The following FAP variants were observed in gnomAD, a reference collection of about 807,000 sequenced individuals.
FAP encodes prolyl endopeptidase FAP.
In FAP, 110 loss-of-function variants were observed where a neutral mutation model predicts 126.5. That is an observed-to-expected ratio of 0.87 (90% CI 0.74 to 1.02). FAP has a LOEUF of 1.02. FAP is among the 50% of genes least tolerant of loss of function. The pLI is 0.00. For synonymous variants in FAP, 334 were observed against 297.3 expected, an observed-to-expected ratio of 1.12 and a Z score of -1.27; for missense variants, 919 against 909.2, an observed-to-expected ratio of 1.01 and a Z score of -0.14.
intron 2 of FAP, among the ~76,000 whole-genome samples, chr2:162,233,145 C>T (rs1424859954): frequency 6.6e-6 from 1 of 152,098 alleles, no homozygotes; most frequent in Non-Finnish European, 1.5e-5. Context: ...AAAATCCCCA[C>T]TTACATATCT....
At chr2:162,201,774 A>G (rs1688506584) in intron 14 of FAP, among the ~76,000 whole-genome samples, 1 of 152,164 alleles carries the variant, frequency 6.6e-6, no homozygotes, top group South Asian at 2.1e-4. Flanking sequence ...GCAAACAAAG[A>G]AGGAGGTGCA....
intron 20 of FAP, among the ~76,000 whole-genome samples, chr2:162,183,904 A>G (rs1687776745): frequency 6.6e-6 from 1 of 152,146 alleles, no homozygotes; most frequent in South Asian, 2.1e-4. Flanking sequence ...GTTAATGATA[A>G]TCATCACTTC....
intron 10 of FAP, among the ~76,000 whole-genome samples, chr2:162,214,378 A>G (rs887469276): frequency 8.5e-5 from 13 of 152,084 alleles, no homozygotes; most frequent in Non-Finnish European, 1.6e-4. Context: ...TGATCAATCT[A>G]GAGGGGAAAA....
chr2:162,243,372 G>T lies in FAP; in HGVS notation c.-45C>A. ...AGTTAGCTAATTCTGTCTTCAGAGC[G>T]TGGGTCACTGGATCTGTGAAAACCG... On this transcript the variant is annotated 5_prime_UTR_variant, in exon 1 of 26. Transcript: ENST00000188790. 1 of 1,604,428 alleles carries T rather than the reference G, an allele frequency of 6.2e-7. No homozygotes were observed. Among genetic ancestry groups the T allele is most frequent in the South Asian group, 1.1e-5 (1 of 89,396 alleles).
intron 13 of FAP, 27 bp from the exon 14 acceptor site, chr2:162,202,969 G>A (rs1169323056): frequency 6.8e-6 from 11 of 1,606,860 alleles, no homozygotes; most frequent in Non-Finnish European, 9.4e-6. Flanking sequence ...ATTATGTTGT[G>A]TGAAACTGAG....
chr2:162,209,780 A>G (rs1231017015), intron 12 of FAP, 172 bp downstream of exon 12: 9 of 577,762 alleles, frequency 1.6e-5, no homozygotes, highest in Non-Finnish European at 2.1e-5. Flanking sequence ...AAGGACATTG[A>G]AATTGTCCGG....
intron 2 of FAP, among the ~76,000 whole-genome samples, chr2:162,234,791 C>G (rs117759694): frequency 0.035 from 5,336 of 152,246 alleles, 468 homozygotes; most frequent in Admixed American, 0.21. Flanking sequence ...GCCGCTGCAC[C>G]GTAGGAGCCT....
chr2:162,172,937 A>G, intron 24 of FAP, 53 bp from the exon 25 acceptor site: 2 of 1,407,064 alleles, frequency 1.4e-6, no homozygotes, highest in South Asian at 2.3e-5. Context: ...GAAAGCATAG[A>G]GTGACAATGT....
intron 14 of FAP, among the ~76,000 whole-genome samples, chr2:162,201,666 G>C (rs1258742567): frequency 1.3e-5 from 2 of 152,052 alleles, no homozygotes; most frequent in South Asian, 2.1e-4. Flanking sequence ...GTCCTGTTTA[G>C]CCTCCATCTG....
At chr2:162,209,000 T>G (rs1228643744) in intron 12 of FAP, among the ~76,000 whole-genome samples, 1 of 152,054 alleles carries the variant, frequency 6.6e-6, no homozygotes, top group African/African-American at 2.4e-5. Context: ...CAAAATCAAC[T>G]GGATCCAGAA....
intron 20 of FAP, 171 bp from the exon 21 acceptor site, chr2:162,183,639 T>C: frequency 1.8e-6 from 1 of 567,876 alleles, no homozygotes; most frequent in Non-Finnish European, 3.2e-6. Flanking sequence ...ATTATCATGT[T>C]TTCTGCAAAG....
intron 11 of FAP, among the ~76,000 whole-genome samples, chr2:162,212,166 A>G (rs1243476224): frequency 6.6e-6 from 1 of 152,226 alleles, no homozygotes; most frequent in African/African-American, 2.4e-5. Context: ...TTTGGATTAA[A>G]GTTGTCTCAG....
chr2:162,239,928 T>C (rs1179541523), intron 2 of FAP, among the ~76,000 whole-genome samples: 1 of 152,246 alleles, frequency 6.6e-6, no homozygotes, highest in Non-Finnish European at 1.5e-5. Context: ...TTTTCACTTC[T>C]AGTTTTTTGC....
At chr2:162,226,686 C>T in intron 2 of FAP, 65 bp from the exon 3 acceptor site, 1 of 878,586 alleles carries the variant, frequency 1.1e-6, no homozygotes, top group South Asian at 1.6e-5. Context: ...AAATTCTAAG[C>T]CTGGCCTTCA....
chr2:162,207,994 A>C (rs1421764996), intron 12 of FAP, among the ~76,000 whole-genome samples: 1 of 151,450 alleles, frequency 6.6e-6, no homozygotes, highest in Non-Finnish European at 1.5e-5. Context: ...GCGGTGGCTC[A>C]TGCCTGTAAT....
At chr2:162,205,603 G>A (rs1353088410) in intron 12 of FAP, among the ~76,000 whole-genome samples, 5 of 151,554 alleles carry the variant, frequency 3.3e-5, no homozygotes, top group African/African-American at 4.8e-5. Flanking sequence ...AACCTCTGTC[G>A]CCCGGGCACA....
At chr2:162,240,092 C>A (rs767443542) in intron 2 of FAP, among the ~76,000 whole-genome samples, 5 of 151,908 alleles carry the variant, frequency 3.3e-5, no homozygotes, top group Admixed American at 6.6e-5. Flanking sequence ...TGAAGAAGAA[C>A]CTCAAAAGAA....
chr2:162,189,301 TTTAAAA>T, intron 18 of FAP, 129 bp from the exon 19 acceptor site: 1 of 507,940 alleles, frequency 2.0e-6, no homozygotes, highest in East Asian at 3.4e-5. Context: ...TTAGGATATA[TTTAAAA>T]GTAACTTTTA....
Position 162,219,932 on chromosome 2 carries a change from G to GGAAA in FAP, c.414-11_414-8dup. On this transcript the variant is annotated splice_region_variant and splice_polypyrimidine_tract_variant and intron_variant, in intron 6 of 25. Transcript: ENST00000188790. Reference sequence around the variant, plus strand: ...ATTTCCTCTTACAAATTCTCTAGAAGGAAAGAAAGAAAGAAAAACAACAAA... The same window carrying GGAAA: ...ATTTCCTCTTACAAATTCTCTAGAAGGAAAGAAAGAAAGAAAGAAAAACAACAAA... 6.3e-7 allele frequency: 1 copy of GGAAA among 1,598,640 alleles called. No individual in the cohort carries two copies. The highest frequency in any genetic ancestry group is 8.6e-7 in the Non-Finnish European group (1 of 1,168,196).
Sources: gnomAD v4.1 joint callset for allele counts (sites outside exome capture counted in the v4.1 genomes callset) on GRCh38, gnomAD v4.1.1 for gene constraint, MANE v1.5 for transcripts, NCBI Gene and HGNC (gene_info 2026-07-23, HGNC 2026-07-21) for gene names.